The following TMEM132B variants were observed in gnomAD, a reference collection of about 807,000 sequenced individuals.
The protein encoded by TMEM132B is transmembrane protein 132B.
In TMEM132B, 18 loss-of-function variants were observed where a neutral mutation model predicts 90.8. The observed-to-expected ratio is 0.20, with a 90% CI of 0.14 to 0.29. The LOEUF is 0.29. Among genes scored for constraint, TMEM132B ranks in the 10% least tolerant of loss-of-function variants. The pLI is 1.00. For synonymous variants in TMEM132B, 504 were observed against 523.3 expected (o/e 0.96, Z 0.50); for missense variants, 1,096 against 1,326.8 (o/e 0.83, Z 2.70).
chr12:125,357,015 A>G (rs190773836), intron 2 of TMEM132B, among the ~76,000 whole-genome samples: 156 of 152,294 alleles, frequency 1.0e-3, no homozygotes, highest in Admixed American at 2.5e-3. Flanking sequence ...TGTCTCCTGT[A>G]TTTTTGATGT....
At chr12:125,348,159 A>T (rs1877422910) in intron 1 of TMEM132B, among the ~76,000 whole-genome samples, 2 of 151,880 alleles carry the variant, frequency 1.3e-5, no homozygotes, top group Non-Finnish European at 2.9e-5. Context: ...CCATCTTTTC[A>T]AGTATGTTTA....
At chr12:125,379,190 GT>G (rs1343747553) in intron 2 of TMEM132B, among the ~76,000 whole-genome samples, 1 of 152,220 alleles carries the variant, frequency 6.6e-6, no homozygotes, top group East Asian at 1.9e-4. Context: ...CTGTGAATAT[GT>G]TATGTTACAT....
At chr12:125,239,851 C>G (rs550967183) in intron 1 of TMEM132B, among the ~76,000 whole-genome samples, 35 of 152,314 alleles carry the variant, frequency 2.3e-4, no homozygotes, top group Middle Eastern at 6.8e-3. Context: ...GTACTGGCTT[C>G]AAGGGGTGGG....
intron 4 of TMEM132B, among the ~76,000 whole-genome samples, chr12:125,547,374 T>C (rs1884117642): frequency 6.6e-6 from 1 of 152,182 alleles, no homozygotes; most frequent in South Asian, 2.1e-4. Context: ...TTTTAATTTG[T>C]ATTTCTCTGA....
chr12:125,526,575 G>C (rs1023365212), intron 4 of TMEM132B, among the ~76,000 whole-genome samples: 1 of 152,228 alleles, frequency 6.6e-6, no homozygotes, highest in Non-Finnish European at 1.5e-5. Context: ...AGGTGCTGCT[G>C]TCCTGGGATT....
chr12:125,271,776 A>G (rs552981823), intron 1 of TMEM132B, among the ~76,000 whole-genome samples: 1 of 151,846 alleles, frequency 6.6e-6, no homozygotes, highest in South Asian at 2.1e-4. Flanking sequence ...TTTTAAATAT[A>G]TTACCTTCAT....
intron 1 of TMEM132B, among the ~76,000 whole-genome samples, chr12:125,282,349 C>T (rs950899970): frequency 6.6e-6 from 1 of 152,206 alleles, no homozygotes; most frequent in African/African-American, 2.4e-5. Context: ...CTCAGCTCAT[C>T]CAGGCTTGTC....
intron 1 of TMEM132B, among the ~76,000 whole-genome samples, chr12:125,330,337 T>C (rs111547275): frequency 1.3e-4 from 18 of 139,796 alleles, no homozygotes; most frequent in African/African-American, 2.4e-4. Flanking sequence ...GGGTTTCTTT[T>C]TTTTTTTTTT....
At chr12:125,525,304 TCAC>T (rs1883419040) in intron 4 of TMEM132B, among the ~76,000 whole-genome samples, 1 of 152,254 alleles carries the variant, frequency 6.6e-6, no homozygotes, top group Non-Finnish European at 1.5e-5. Flanking sequence ...TCTCCAAAAT[TCAC>T]GAGGAAACTC....
At chr12:125,347,192 C>A (rs1877392981) in intron 1 of TMEM132B, among the ~76,000 whole-genome samples, 1 of 152,160 alleles carries the variant, frequency 6.6e-6, no homozygotes, top group Non-Finnish European at 1.5e-5. Context: ...AACATAGTCT[C>A]TAGTTCCTTG....
intron 2 of TMEM132B, among the ~76,000 whole-genome samples, chr12:125,409,240 A>C (rs1455022975): frequency 6.6e-6 from 1 of 152,156 alleles, no homozygotes; most frequent in Non-Finnish European, 1.5e-5. Flanking sequence ...GGGAAGAGGG[A>C]CTGAGATAGG....
In TMEM132B at chr12:125,519,533, G is replaced by A. The variant is rs773006112; in HGVS notation, c.1201G>A (p.Glu401Lys). The change falls in exon 4 of 9, where the codon GAG (glutamate) becomes AAG (lysine). Residue 401 changes from glutamate to lysine, a missense_variant. Glu to Lys is a moderately conservative substitution (Grantham distance 56). Transcript: ENST00000682704. ...AGAQQITWQV[E>K]YPIEDSMSEL... ...GGCCCAGCAGATTACCTGGCAGGTG[G>A]AGTACCCGATTGAGGACTCCATGAG... 1 of 1,614,162 alleles carries A rather than the reference G, an allele frequency of 6.2e-7. No homozygotes were observed.
At chr12:125,494,584 C>T (rs1878441741) in intron 3 of TMEM132B, among the ~76,000 whole-genome samples, 1 of 129,800 alleles carries the variant, frequency 7.7e-6, no homozygotes, top group East Asian at 2.6e-4. Flanking sequence ...ATGCGTCCCT[C>T]CTCCCCCTCC....
chr12:125,234,666 C>T (rs1424095295), intron 1 of TMEM132B, among the ~76,000 whole-genome samples: 4 of 152,094 alleles, frequency 2.6e-5, no homozygotes, highest in East Asian at 1.9e-4. Context: ...AGCCACAATC[C>T]GAGAGATGTC....
intron 4 of TMEM132B, among the ~76,000 whole-genome samples, chr12:125,536,609 G>A (rs563930547): frequency 3.9e-5 from 6 of 152,224 alleles, no homozygotes; most frequent in Non-Finnish European, 8.8e-5. Context: ...ACATTGCCTG[G>A]CACATGGTAG....
Position 125,654,838 on chromosome 12 carries a change from C to A in TMEM132B, c.*128C>A. On this transcript the variant is annotated 3_prime_UTR_variant, in exon 9 of 9. Transcript: ENST00000682704. This position sits in a 1 kb window ranked among gnomAD's most constrained non-coding sequence, Gnocchi z 5.8. The stretch of plus-strand genomic sequence containing the variant: ...TGTGGAGGTCTGGTGGGATTCATTT[C>A]TAAGCAGGTAAAAGAGGTTTGGAGA... 8.7e-7 allele frequency: 1 copy of A among 1,147,912 alleles called. No homozygotes were observed. The highest frequency in any genetic ancestry group is 1.2e-6 in the Non-Finnish European group (1 of 825,024). The allele number at this position is 1,147,912 out of a possible 1,614,324, so 71.1% of individuals were successfully genotyped here. A position where few individuals can be genotyped will look rare whatever the true frequency, so the allele number is the denominator to read the frequency against.
intron 1 of TMEM132B, among the ~76,000 whole-genome samples, chr12:125,195,588 G>A (rs1035841997): frequency 1.9e-4 from 29 of 151,790 alleles, no homozygotes; most frequent in African/African-American, 6.8e-4. Flanking sequence ...TAGTAGAGAC[G>A]GGGTTTCACT....
At chr12:125,243,761 G>A (rs1874144275) in intron 1 of TMEM132B, among the ~76,000 whole-genome samples, 1 of 152,088 alleles carries the variant, frequency 6.6e-6, no homozygotes, top group Non-Finnish European at 1.5e-5. Flanking sequence ...TTTTGGGTCT[G>A]TGAGTACCCC....
At chr12:125,504,309 G>GC (rs1882774513) in intron 3 of TMEM132B, among the ~76,000 whole-genome samples, 4 of 152,164 alleles carry the variant, frequency 2.6e-5, no homozygotes, top group Non-Finnish European at 5.9e-5. Flanking sequence ...AGGTTAATGA[G>GC]GTTGAAGATT....
Sources: gnomAD v4.1 joint callset for allele counts (sites outside exome capture counted in the v4.1 genomes callset) on GRCh38, gnomAD v4.1.1 for gene constraint, Gnocchi (gnomAD v3.1) non-coding constraint, MANE v1.5 for transcripts, NCBI Gene and HGNC (gene_info 2026-07-23, HGNC 2026-07-21) for gene names.